The following ZNF831 variants were observed in gnomAD, a reference collection of about 807,000 sequenced individuals.
ZNF831 encodes chromosome 20 open reading frame 174.
A neutral mutation model predicts 95.8 loss-of-function variants in ZNF831; 59 were observed. The observed-to-expected ratio is 0.62, with a 90% CI of 0.50 to 0.77. The LOEUF (loss-of-function observed/expected upper bound fraction) is 0.77. Among genes scored for constraint, ZNF831 ranks in the 30% least tolerant of loss-of-function variants. ZNF831 has a pLI of 0.00. For missense variants in ZNF831, 2,205 were observed against 2,164.0 expected, an observed-to-expected ratio of 1.02 and a Z score of -0.38; for synonymous variants, 961 against 925.5, an observed-to-expected ratio of 1.04 and a Z score of -0.70.
chr20:59,126,667 A>G (rs1317729633), intron 1 of ZNF831, among the ~76,000 whole-genome samples: 2 of 152,154 alleles, frequency 1.3e-5, no homozygotes, highest in Admixed American at 1.3e-4. Context: ...CCGTTTCCAT[A>G]TGCATGCATG....
chr20:59,143,632 C>T (rs1260341592), intron 1 of ZNF831, among the ~76,000 whole-genome samples: 1 of 152,190 alleles, frequency 6.6e-6, no homozygotes. Flanking sequence ...TGGAATTGCA[C>T]CTTCGGGGTC....
intron 4 of ZNF831, among the ~76,000 whole-genome samples, chr20:59,233,496 C>G (rs753052298): frequency 1.1e-4 from 16 of 152,084 alleles, no homozygotes; most frequent in Non-Finnish European, 1.5e-4. Context: ...AAATGACAGA[C>G]CAACAAACAC....
At position 59,225,294 on chromosome 20, in the gene ZNF831, A is replaced by G. The variant is rs375773116; in HGVS notation, c.4027+18238A>G. The stretch of plus-strand genomic sequence containing the variant: ...TTAGGTTTTGTGTTTACCTTTCCCA[A>G]TCTCGCCTTGGATTTTCCACGGCTG... On this transcript the variant is annotated intron_variant, in intron 4 of 5. Coordinates refer to ENST00000371030, the MANE Select transcript of ZNF831 (RefSeq NM_178457.3). Among the ~76,000 whole-genome samples, 8 of 152,222 alleles carry G rather than the reference A, an allele frequency of 5.3e-5. No individual in the cohort carries two copies. The East Asian group carries it at 9.6e-4, about 18-fold the overall frequency.
chr20:59,222,273 T>G (rs369345189), intron 4 of ZNF831, among the ~76,000 whole-genome samples: 170 of 152,266 alleles, frequency 1.1e-3, no homozygotes, highest in African/African-American at 3.9e-3. Context: ...TCGGGAAGGC[T>G]GCAGGGTGCC....
intron 1 of ZNF831, among the ~76,000 whole-genome samples, chr20:59,140,255 A>C (rs892261092): frequency 6.6e-6 from 1 of 152,172 alleles, no homozygotes; most frequent in Non-Finnish European, 1.5e-5. Context: ...GCCTCTGGCC[A>C]TTTAGAAAGC....
At chr20:59,155,168 T>C (rs1980469024) in intron 2 of ZNF831, among the ~76,000 whole-genome samples, 1 of 152,240 alleles carries the variant, frequency 6.6e-6, no homozygotes, top group Non-Finnish European at 1.5e-5. Context: ...ACAATCTGCC[T>C]GTTTGGCTTT....
upstream of ZNF831, among the ~76,000 whole-genome samples, chr20:59,163,091 C>T (rs754854943): frequency 7.9e-5 from 12 of 151,368 alleles, no homozygotes; most frequent in Non-Finnish European, 1.0e-4. Flanking sequence ...ATTTGGCTCT[C>T]GGCTTGAACA....
At chr20:59,151,883 A>G (rs945277960) in intron 2 of ZNF831, among the ~76,000 whole-genome samples, 3 of 152,262 alleles carry the variant, frequency 2.0e-5, no homozygotes, top group East Asian at 1.9e-4. Context: ...CGATGCTGCA[A>G]GGGGAAGGTG....
chr20:59,210,989 C>A (rs1196299911), intron 4 of ZNF831, among the ~76,000 whole-genome samples: 1 of 79,156 alleles, frequency 1.3e-5, no homozygotes, highest in South Asian at 3.7e-4. Flanking sequence ...GCCGAGATTG[C>A]GCCACTGCAG....
At chr20:59,184,837 A>G (rs1982884897) in intron 1 of ZNF831, among the ~76,000 whole-genome samples, 1 of 152,184 alleles carries the variant, frequency 6.6e-6, no homozygotes, top group Non-Finnish European at 1.5e-5. Flanking sequence ...GGCTTGGGAA[A>G]TTGTCACTTC....
intron 4 of ZNF831, among the ~76,000 whole-genome samples, chr20:59,222,978 C>T (rs1231853225): frequency 6.6e-6 from 1 of 152,166 alleles, no homozygotes. Context: ...AAGCGACTGT[C>T]GTCACGGCCC....
rs1983573031 is a variant in ZNF831, at chr20:59,191,889, C to T, written c.870C>T (p.Leu290=). Residue 290 remains leucine, a synonymous_variant, in exon 2 of 6, where the codon CTC becomes CTT. Transcript: ENST00000371030. Reference sequence around the variant, plus strand: ...CTGCCCCCATGGCGTCACCTGGGCTCCCAGCGGCCAGCACACAACCCTGGC... The same window carrying T: ...CTGCCCCCATGGCGTCACCTGGGCTTCCAGCGGCCAGCACACAACCCTGGC... ...WDSAPMASPG[L]PAASTQPWRK... 2 of 1,612,936 alleles carry T rather than the reference C, an allele frequency of 1.2e-6. No homozygotes were observed. Among genetic ancestry groups the T allele is most frequent in the Non-Finnish European group, 8.5e-7 (1 of 1,179,960 alleles).
In ZNF831 at chr20:59,193,898, C is replaced by A. The variant is rs116053307; in HGVS notation, c.2879C>A (p.Pro960Gln). ...TPLPLPIPWG[P>Q]RHSQDSLCSS... ...TTACCACTGCCCATTCCCTGGGGACCAAGGCACAGCCAGGACTCTCTCTGC... is the reference window on the plus strand; with the variant it reads ...TTACCACTGCCCATTCCCTGGGGACAAAGGCACAGCCAGGACTCTCTCTGC... The change falls in exon 2 of 6, where the codon CCA (proline) becomes CAA (glutamine). Residue 960 changes from proline (P) to glutamine (Q), a missense_variant. Coordinates refer to ENST00000371030, the MANE Select transcript of ZNF831 (RefSeq NM_178457.3). 2.6e-4 allele frequency: 420 copies of A among 1,606,380 alleles called. No individual in the cohort carries two copies. The African/African-American group carries it at 3.1e-3, about 12-fold the overall frequency.
chr20:59,195,492 G>T (rs1021725102), intron 2 of ZNF831, among the ~76,000 whole-genome samples: 2 of 152,208 alleles, frequency 1.3e-5, no homozygotes, highest in African/African-American at 4.8e-5. Context: ...GGAACCCAAA[G>T]TTGTGGGGAG....
At chr20:59,224,369 C>A (rs933115450) in intron 4 of ZNF831, among the ~76,000 whole-genome samples, 1 of 151,990 alleles carries the variant, frequency 6.6e-6, no homozygotes, top group Admixed American at 6.5e-5. Context: ...CTCTCCTGCA[C>A]CCTAGGGCAG....
intron 4 of ZNF831, among the ~76,000 whole-genome samples, chr20:59,212,679 G>A (rs1038295077): frequency 6.6e-6 from 1 of 152,138 alleles, no homozygotes. Context: ...AGTCATTGAT[G>A]TACCAGGGAA....
chr20:59,212,656 T>A (rs1315744745), intron 4 of ZNF831, among the ~76,000 whole-genome samples: 1 of 152,124 alleles, frequency 6.6e-6, no homozygotes, highest in Non-Finnish European at 1.5e-5. Flanking sequence ...GGTAAGAAAG[T>A]TCTTAGATAT....
chr20:59,198,419 C>T (rs1048379261), intron 3 of ZNF831, among the ~76,000 whole-genome samples: 4 of 152,244 alleles, frequency 2.6e-5, no homozygotes, highest in Non-Finnish European at 4.4e-5. Context: ...AGTGGCCACC[C>T]CTTGTGGGTA....
chr20:59,210,267 C>T (rs1396450078), intron 4 of ZNF831, among the ~76,000 whole-genome samples: 1 of 152,232 alleles, frequency 6.6e-6, no homozygotes, highest in Non-Finnish European at 1.5e-5. Flanking sequence ...ATGCTCCACA[C>T]TTGGGGGAAC....
Sources: allele counts gnomAD v4.1 joint callset (sites outside exome capture counted in the v4.1 genomes callset), GRCh38; gene constraint gnomAD v4.1.1; transcripts MANE v1.5; gene names NCBI Gene and HGNC (gene_info 2026-07-23, HGNC 2026-07-21).